The following CUBN variants were observed in gnomAD, a reference collection of about 807,000 sequenced individuals.
CUBN encodes the protein cubilin.
In CUBN, 282 loss-of-function variants were observed where a neutral mutation model predicts 405.3. That is an observed-to-expected ratio of 0.70 (90% confidence interval 0.63 to 0.77). CUBN has a LOEUF of 0.77. Among genes scored for constraint, CUBN ranks in the 30% least tolerant of loss-of-function variants. The probability of loss-of-function intolerance (pLI) is 0.00; values close to 1 mark genes in which losing one functional copy is unlikely to be tolerated. For synonymous variants in CUBN, 1,684 were observed against 1,617.0 expected (o/e 1.04, Z -0.99); for missense variants, 4,514 against 4,475.2 (o/e 1.01, Z -0.25).
Position 17,085,624 on chromosome 10 carries a change from A to C in CUBN, c.2083T>G (p.Phe695Val). 1 of 1,614,156 alleles carries C rather than the reference A, an allele frequency of 6.2e-7. No individual in the cohort carries two copies. The highest frequency in any genetic ancestry group is 8.5e-7 in the Non-Finnish European group (1 of 1,180,000). The change falls in exon 16 of 67, where the codon TTC becomes GTC. Residue 695 changes from phenylalanine (F) to valine (V), a missense_variant. Transcript: ENST00000377833. ...HSDSQISDQG[F>V]HITYLTSPSD... is the part of the protein sequence containing the mutation. Reference sequence around the variant, plus strand: ...GGTGATGTTAAGTAGGTGATATGGAAGCCTTGGTCACTAATCTGGGAGTCT... The same window carrying C: ...GGTGATGTTAAGTAGGTGATATGGACGCCTTGGTCACTAATCTGGGAGTCT...
At chr10:16,941,686 A>T (rs11306520) in intron 36 of CUBN, among the ~76,000 whole-genome samples, 17,784 of 151,928 alleles carry the variant, frequency 0.12, 2,240 homozygotes, top group African/African-American at 0.29. Context: ...TCTACAAAAA[A>T]TAAAATGTAG....
chr10:17,046,145 T>C (rs746571136), intron 23 of CUBN, 51 bp from the exon 24 acceptor site: 35 of 1,504,034 alleles, frequency 2.3e-5, no homozygotes, highest in Non-Finnish European at 3.1e-5. Flanking sequence ...AATATTACTG[T>C]ATAAACATTT....
intron 31 of CUBN, among the ~76,000 whole-genome samples, chr10:16,973,644 C>T (rs886336572): frequency 1.3e-5 from 2 of 152,174 alleles, no homozygotes; most frequent in African/African-American, 2.4e-5. Flanking sequence ...CTCCTCCCAG[C>T]TTCCAACCTC....
intron 59 of CUBN, among the ~76,000 whole-genome samples, chr10:16,860,138 G>C (rs1396313335): frequency 6.6e-6 from 1 of 151,982 alleles, no homozygotes; most frequent in African/African-American, 2.4e-5. Context: ...AAAACAAAAA[G>C]AAGTGGGACA....
chr10:16,878,353 A>C (rs1840574246), intron 56 of CUBN, among the ~76,000 whole-genome samples: 1 of 152,340 alleles, frequency 6.6e-6, no homozygotes, highest in South Asian at 2.1e-4. Context: ...TTTTGCACCA[A>C]CATAATATAT....
At chr10:16,947,789 A>G (rs1842827092) in intron 35 of CUBN, among the ~76,000 whole-genome samples, 2 of 152,218 alleles carry the variant, frequency 1.3e-5, no homozygotes, top group Non-Finnish European at 2.9e-5. Flanking sequence ...GTAGCTTTTA[A>G]CCACTAAAAA....
chr10:16,854,378 A>C (rs963700150), intron 59 of CUBN, among the ~76,000 whole-genome samples: 1 of 152,198 alleles, frequency 6.6e-6, no homozygotes, highest in Non-Finnish European at 1.5e-5. Flanking sequence ...TGGCTGTCAG[A>C]CTGTGTTCTT....
At chr10:16,951,714 C>T (rs1055732776) in intron 33 of CUBN, among the ~76,000 whole-genome samples, 2 of 152,160 alleles carry the variant, frequency 1.3e-5, no homozygotes, top group African/African-American at 4.8e-5. Context: ...AGAAAGTAAG[C>T]GTTTATTCAA....
At chr10:16,952,517 G>A (rs1842949356) in intron 32 of CUBN, 128 bp from the exon 33 acceptor site, 1 of 688,236 alleles carries the variant, frequency 1.5e-6, no homozygotes. Context: ...CGCCAAGAAA[G>A]TTCTCCATAA....
chr10:16,885,830 A>T (rs1840795831), intron 56 of CUBN, among the ~76,000 whole-genome samples: 1 of 152,248 alleles, frequency 6.6e-6, no homozygotes, highest in African/African-American at 2.4e-5. Flanking sequence ...CCACAAACAC[A>T]AAATCCAAGC....
intron 31 of CUBN, among the ~76,000 whole-genome samples, chr10:16,970,168 C>A (rs995059439): frequency 6.6e-6 from 1 of 152,202 alleles, no homozygotes; most frequent in Non-Finnish European, 1.5e-5. Flanking sequence ...ATGAAGGAAA[C>A]CCTGACCTCC....
At chr10:17,041,950 G>A (rs776985761) in intron 26 of CUBN, among the ~76,000 whole-genome samples, 1 of 152,144 alleles carries the variant, frequency 6.6e-6, no homozygotes, top group Non-Finnish European at 1.5e-5. Flanking sequence ...AATCCTGGGT[G>A]CCCAGTTCAG....
chr10:16,834,340 A>G (rs1028154315), intron 64 of CUBN, among the ~76,000 whole-genome samples: 1 of 150,138 alleles, frequency 6.7e-6, no homozygotes, highest in Non-Finnish European at 1.5e-5. Context: ...CACGAGGCGC[A>G]TGGTTCTGCC....
At chr10:17,048,275 A>G (rs1425895630) in intron 22 of CUBN, among the ~76,000 whole-genome samples, 2 of 152,274 alleles carry the variant, frequency 1.3e-5, no homozygotes, top group Admixed American at 6.5e-5. Flanking sequence ...TATAAGGAAG[A>G]CATTAGGTCA....
rs770788731 is a variant in CUBN at position 17,104,613 on chromosome 10, GA to G, written c.1231-9del. ...ATAACCAGAGACAGTGTCCTAAGGG[GA>G]AAAAAAACACATAATACCATAAAAC... On this transcript the variant is annotated splice_polypyrimidine_tract_variant and intron_variant, in intron 11 of 66. Coordinates refer to ENST00000377833, the MANE Select transcript of CUBN (RefSeq NM_001081.4). 28 of 1,603,282 alleles carry G rather than the reference GA, an allele frequency of 1.7e-5. No individual in the cohort carries two copies. The highest frequency in any genetic ancestry group is 3.4e-5 in the Admixed American group (2 of 59,236).
At chr10:16,932,983 A>C (rs1842401497) in intron 40 of CUBN, 104 bp downstream of exon 40, 1 of 1,208,670 alleles carries the variant, frequency 8.3e-7, no homozygotes, top group African/African-American at 1.5e-5. Flanking sequence ...TATCTGTGTA[A>C]TTCCAAACCA....
At chr10:17,066,994 A>T (rs1017296396) in intron 21 of CUBN, among the ~76,000 whole-genome samples, 1 of 152,144 alleles carries the variant, frequency 6.6e-6, no homozygotes, top group Non-Finnish European at 1.5e-5. Context: ...GCAAAACTGA[A>T]ATGGATCAAC....
At chr10:17,022,905 C>G (rs900346872) in intron 27 of CUBN, among the ~76,000 whole-genome samples, 1 of 152,208 alleles carries the variant, frequency 6.6e-6, no homozygotes, top group Non-Finnish European at 1.5e-5. Flanking sequence ...TAACCCTTAT[C>G]CAACAAAACA....
At chr10:16,871,405 A>T (rs974480709) in intron 58 of CUBN, among the ~76,000 whole-genome samples, 1 of 149,670 alleles carries the variant, frequency 6.7e-6, no homozygotes, top group African/African-American at 2.4e-5. Context: ...AATTTTGAAA[A>T]TATAGACTAA....
Sources: allele counts gnomAD v4.1 joint callset (sites outside exome capture counted in the v4.1 genomes callset), GRCh38; gene constraint gnomAD v4.1.1; transcripts MANE v1.5; gene names NCBI Gene and HGNC (gene_info 2026-07-23, HGNC 2026-07-21).